COL18A1: variants seen among roughly 807,000 people sequenced by gnomAD.
COL18A1 encodes the protein collagen type XVIII alpha 1 chain.
A neutral mutation model predicts 168.0 loss-of-function variants in COL18A1; 133 were observed. That is an observed-to-expected ratio of 0.79 (90% CI 0.69 to 0.91). The LOEUF (loss-of-function observed/expected upper bound fraction) is 0.91, where lower values mean the gene tolerates loss of function less well. Ranked by LOEUF, COL18A1 falls within the 40% of genes least tolerant of loss-of-function variation. The pLI, the probability that COL18A1 is intolerant of heterozygous loss-of-function variation, is 0.00. For synonymous variants in COL18A1, 949 were observed against 809.0 expected, an observed-to-expected ratio of 1.17 and a Z score of -2.94; for missense variants, 2,126 against 1,925.4, an observed-to-expected ratio of 1.10 and a Z score of -1.95.
chr21:45,456,117 C>G, intron 2 of COL18A1: 1 of 1,585,856 alleles, frequency 6.3e-7, no homozygotes, highest in Non-Finnish European at 8.6e-7. Flanking sequence ...CCATCGCCTC[C>G]CTCCCTGGGC....
At chr21:45,440,732 C>T (rs1033599070) in intron 2 of COL18A1, among the ~76,000 whole-genome samples, 2 of 152,156 alleles carry the variant, frequency 1.3e-5, no homozygotes, top group Admixed American at 1.3e-4. Flanking sequence ...TCAGGGCCTG[C>T]GGGGGTTTAT....
Position 45,473,636 on chromosome 21 carries a change from C to T in COL18A1, c.652-259C>T, listed in dbSNP as rs148463549. Reference sequence around the variant, plus strand: ...CCCTCAGGTGGCCCATCAGCTGCCTCAGATGAGCCAAGTCTGAGGGAGCAG... The same window carrying T: ...CCCTCAGGTGGCCCATCAGCTGCCTTAGATGAGCCAAGTCTGAGGGAGCAG... On this transcript the variant is annotated intron_variant, in intron 3 of 41. Transcript: ENST00000651438. This position sits in a 1 kb window ranked among gnomAD's most constrained non-coding sequence, Gnocchi z 4.0. Among the ~76,000 whole-genome samples the T allele has an allele frequency of 8.0e-3, 1,215 of 152,296 alleles. 13 individuals carry two copies. Among genetic ancestry groups the T allele is most frequent in the Middle Eastern group, 0.034 (10 of 294 alleles).
chr21:45,467,988 T>C (rs1386539780), intron 2 of COL18A1, among the ~76,000 whole-genome samples: 1 of 152,182 alleles, frequency 6.6e-6, no homozygotes, highest in Non-Finnish European at 1.5e-5. Context: ...GCAGACACCA[T>C]GTCTCCTGCA....
At chr21:45,477,133 C>T (rs1453393443) in intron 6 of COL18A1, among the ~76,000 whole-genome samples, 1 of 152,136 alleles carries the variant, frequency 6.6e-6, no homozygotes, top group African/African-American at 2.4e-5. Context: ...GGGCCAGGGT[C>T]TCTTGTAACA....
At chr21:45,466,729 C>T (rs796411685) in intron 2 of COL18A1, among the ~76,000 whole-genome samples, 14 of 152,246 alleles carry the variant, frequency 9.2e-5, no homozygotes, top group African/African-American at 2.4e-4. Flanking sequence ...CTGGGGCCGC[C>T]GGTGTAGCGT....
At chr21:45,495,276 G>T in intron 28 of COL18A1, 82 bp from the exon 29 acceptor site, 2 of 1,214,556 alleles carry the variant, frequency 1.6e-6, no homozygotes, top group Non-Finnish European at 1.2e-6. Context: ...GCCTGGCGTG[G>T]GGCTAACGGC....
At chr21:45,465,817 G>A (rs993769561) in intron 2 of COL18A1, among the ~76,000 whole-genome samples, 130 of 152,346 alleles carry the variant, frequency 8.5e-4, no homozygotes, top group African/African-American at 2.9e-3. Context: ...GCGGGCGTCC[G>A]TGGAGTGCAC....
In COL18A1 at chr21:45,443,593, C is replaced by T. The variant is rs942207754; in HGVS notation, c.107-24649C>T. On this transcript the variant is annotated intron_variant, in intron 2 of 41. Coordinates refer to ENST00000651438, the MANE Select transcript of COL18A1 (RefSeq NM_001379500.1). The surrounding 1 kb of genome is among the most constrained non-coding windows in gnomAD (Gnocchi z 5.2). The stretch of plus-strand genomic sequence containing the variant: ...GGGGTGTGGACTGTGCTGAACTGTT[C>T]TCCGACAGGCGGCCCTTTTTCTCCC... 6.6e-6 allele frequency among the ~76,000 whole-genome samples: 1 copy of T among 152,136 alleles called. No individual in the cohort carries two copies. The highest frequency in any genetic ancestry group is 1.5e-5 in the Non-Finnish European group (1 of 68,008).
intron 28 of COL18A1, 80 bp from the exon 29 acceptor site, chr21:45,495,278 G>C: frequency 8.0e-7 from 1 of 1,244,398 alleles, no homozygotes; most frequent in Non-Finnish European, 1.2e-6. Flanking sequence ...CTGGCGTGGG[G>C]CTAACGGCAG....
chr21:45,480,972 C>T, intron 13 of COL18A1, 114 bp downstream of exon 13: 2 of 1,424,020 alleles, frequency 1.4e-6, no homozygotes, highest in Non-Finnish European at 1.9e-6. Context: ...CCCGCCTCCT[C>T]ACCTCATCTC....
intron 2 of COL18A1, among the ~76,000 whole-genome samples, chr21:45,408,252 A>G (rs1429333390): frequency 2.0e-5 from 3 of 152,274 alleles, no homozygotes; most frequent in Non-Finnish European, 1.5e-5. Context: ...TGCAAGGCAC[A>G]TGCATACACG....
chr21:45,433,210 A>G (rs915693858), intron 2 of COL18A1, among the ~76,000 whole-genome samples: 36 of 152,232 alleles, frequency 2.4e-4, no homozygotes, highest in African/African-American at 8.4e-4. Flanking sequence ...GGGTTTGTTC[A>G]GATGTGGACA....
rs766026583 is a variant in COL18A1, at chr21:45,504,502, C to T, written c.2814C>T (p.Pro938=). 6.9e-5 allele frequency: 98 copies of T among 1,414,412 alleles called. No individual in the cohort carries two copies. The highest frequency in any genetic ancestry group is 2.3e-4 in the African/African-American group (8 of 35,138). The allele number at this position is 1,414,412 out of a possible 1,614,324, so 87.6% of individuals were successfully genotyped here. A position where few individuals can be genotyped will look rare whatever the true frequency, so the allele number is the denominator to read the frequency against. ...GCGGTTTCTTCGGCTCCAGCCTGCC[C>T]GGCCCCCCCGGCCCCCCAGGCCCCC... ...GGGGFFGSSL[P]GPPGPPGPPG... is the part of the protein sequence containing the mutation. Residue 938 remains proline (P), a synonymous_variant, in exon 34 of 42, where the codon CCC becomes CCT. Coordinates refer to ENST00000651438, the MANE Select transcript of COL18A1 (RefSeq NM_001379500.1).
chr21:45,476,276 A>T (rs1445197198), intron 5 of COL18A1, 75 bp from the exon 6 acceptor site: 1 of 1,603,406 alleles, frequency 6.2e-7, no homozygotes, highest in East Asian at 2.2e-5. Flanking sequence ...TAAGTATTTC[A>T]TTTCACAAAC....
At chr21:45,405,525 C>A in intron 2 of COL18A1, 52 bp downstream of exon 2, 1 of 1,166,824 alleles carries the variant, frequency 8.6e-7, no homozygotes, top group Non-Finnish European at 1.1e-6. Flanking sequence ...CCGGCCTCGC[C>A]GCCCTGGCTG....
chr21:45,505,266 C>T lies in COL18A1; in HGVS notation c.3001C>T (p.Pro1001Ser), dbSNP rs1375170314. 3 of 1,607,632 alleles carry T rather than the reference C, an allele frequency of 1.9e-6. No homozygotes were observed. The highest frequency in any genetic ancestry group is 1.7e-6 in the Non-Finnish European group (2 of 1,176,378). Reference sequence around the variant, plus strand: ...CCCAGGGCCCCCTTCATTTCCTGGCCCTCACAGGCAGAGTAAGTCAGTGGG... The same window carrying T: ...CCCAGGGCCCCCTTCATTTCCTGGCTCTCACAGGCAGAGTAAGTCAGTGGG... ...GPPGPPSFPGPHRQTISVPGP... is the reference protein window; with the variant it reads ...GPPGPPSFPGSHRQTISVPGP... The change falls in exon 35 of 42, where the codon CCT becomes TCT. Residue 1001 changes from proline to serine, a missense_variant. By Grantham distance (74) the Pro-to-Ser change is moderately conservative. Transcript: ENST00000651438.
chr21:45,485,048 T>C (rs1197822309), intron 15 of COL18A1, among the ~76,000 whole-genome samples: 1 of 151,602 alleles, frequency 6.6e-6, no homozygotes, highest in African/African-American at 2.4e-5. Context: ...AGTGGTGCAG[T>C]CTCAGCTCAC....
At chr21:45,452,380 T>C (rs1458631626) in intron 2 of COL18A1, among the ~76,000 whole-genome samples, 1 of 152,262 alleles carries the variant, frequency 6.6e-6, no homozygotes, top group Admixed American at 6.5e-5. Flanking sequence ...TATGTGAGCT[T>C]GTGTATGCAT....
intron 2 of COL18A1, among the ~76,000 whole-genome samples, chr21:45,437,666 TCAGACA>T (rs1216864297): frequency 7.9e-5 from 2 of 25,284 alleles, no homozygotes; most frequent in Non-Finnish European, 1.3e-4. Flanking sequence ...ACACACACAC[TCAGACA>T]CACAGGCACT....
Sources: gnomAD v4.1 joint callset for allele counts (sites outside exome capture counted in the v4.1 genomes callset) on GRCh38, gnomAD v4.1.1 for gene constraint, Gnocchi (gnomAD v3.1) non-coding constraint, MANE v1.5 for transcripts, NCBI Gene and HGNC (gene_info 2026-07-23, HGNC 2026-07-21) for gene names.